The following TCERG1L variants were observed in gnomAD, a reference collection of about 807,000 sequenced individuals.
TCERG1L encodes transcription elongation regulator 1-like protein.
A neutral mutation model predicts 56.3 loss-of-function variants in TCERG1L; 37 were observed. The ratio of observed to expected loss-of-function variants is 0.66; its 90% CI spans 0.51 to 0.87. TCERG1L has a LOEUF of 0.87. Ranked by LOEUF, TCERG1L falls within the 40% of genes least tolerant of loss-of-function variation. TCERG1L has a pLI of 0.00. For synonymous variants in TCERG1L, 324 were observed against 326.3 expected (o/e 0.99, Z 0.08); for missense variants, 799 against 774.2 (o/e 1.03, Z -0.38).
At chr10:131,233,953 G>T (rs958206139) in intron 4 of TCERG1L, among the ~76,000 whole-genome samples, 8 of 152,178 alleles carry the variant, frequency 5.3e-5, no homozygotes, top group African/African-American at 1.9e-4. Flanking sequence ...AGAGTGGCTT[G>T]TTATAAAGTC....
chr10:131,215,152 G>A (rs1040411067), intron 4 of TCERG1L, among the ~76,000 whole-genome samples: 1 of 152,158 alleles, frequency 6.6e-6, no homozygotes, highest in African/African-American at 2.4e-5. Flanking sequence ...AAGCAGTGCT[G>A]GTCCTTACCT....
chr10:131,262,242 A>G (rs1306341306), intron 3 of TCERG1L, among the ~76,000 whole-genome samples: 7 of 152,072 alleles, frequency 4.6e-5, no homozygotes, highest in African/African-American at 1.7e-4. Context: ...ATGGGAACAG[A>G]CGCGCAGGGG....
rs186405872 is a variant in TCERG1L, at chr10:131,100,727, T to C, written c.1486-2303A>G. Among the ~76,000 whole-genome samples the C allele has an allele frequency of 6.6e-5, 10 of 152,370 alleles. No homozygotes were observed. In the East Asian group the frequency reaches 1.9e-3, roughly 29 times the overall value. ...GCTGTGATTTTCACACCAGGGGCCT[T>C]AGCTTTCCCCATGAAAACGCTGTGT... On this transcript the variant is annotated intron_variant, in intron 10 of 11. Coordinates refer to ENST00000368642, the MANE Select transcript of TCERG1L (RefSeq NM_174937.4).
intron 3 of TCERG1L, among the ~76,000 whole-genome samples, chr10:131,271,800 G>A (rs1846342385): frequency 6.6e-6 from 1 of 152,192 alleles, no homozygotes; most frequent in Non-Finnish European, 1.5e-5. Flanking sequence ...CCTGTGACCG[G>A]AGACTGAATC....
intron 8 of TCERG1L, among the ~76,000 whole-genome samples, chr10:131,126,592 T>C (rs1019400881): frequency 6.6e-6 from 1 of 152,204 alleles, no homozygotes; most frequent in Non-Finnish European, 1.5e-5. Flanking sequence ...TGCGACAGAC[T>C]CTGCTGGGGA....
At chr10:131,247,406 A>G (rs1340905482) in intron 4 of TCERG1L, among the ~76,000 whole-genome samples, 1 of 152,130 alleles carries the variant, frequency 6.6e-6, no homozygotes, top group Non-Finnish European at 1.5e-5. Context: ...AGCATCACCT[A>G]CCAGCCCCAG....
At chr10:131,187,786 G>A (rs1433929032) in intron 4 of TCERG1L, among the ~76,000 whole-genome samples, 2 of 152,192 alleles carry the variant, frequency 1.3e-5, no homozygotes, top group Admixed American at 6.5e-5. Context: ...GGCCAATGCA[G>A]CTGGCACCTA....
intron 4 of TCERG1L, among the ~76,000 whole-genome samples, chr10:131,173,623 G>A (rs192694763): frequency 6.4e-4 from 98 of 152,328 alleles, no homozygotes; most frequent in Non-Finnish European, 9.7e-4. Context: ...TGCCAGCCCC[G>A]GCGCAAGGCG....
At chr10:131,246,923 C>T (rs1227774195) in intron 4 of TCERG1L, among the ~76,000 whole-genome samples, 1 of 152,142 alleles carries the variant, frequency 6.6e-6, no homozygotes, top group Admixed American at 6.5e-5. Context: ...CCCACGACGC[C>T]GGCGCTGCGG....
At chr10:131,224,779 CAT>C (rs763248875) in intron 4 of TCERG1L, among the ~76,000 whole-genome samples, 23 of 135,908 alleles carry the variant, frequency 1.7e-4, no homozygotes, top group Non-Finnish European at 3.1e-4. Context: ...CCAGATAAAA[CAT>C]GTGGGAAAAC....
rs1317572177 is a variant in TCERG1L at position 131,175,114 on chromosome 10, AC to A, written c.857-8230del. On this transcript the variant is annotated intron_variant, in intron 4 of 11. Transcript: ENST00000368642. The stretch of plus-strand genomic sequence containing the variant: ...CAGAATGGCCTGCGGAGGTGGTGGG[AC>A]ATTTTCACCAGCGTGATCCAGGGCC... Among the ~76,000 whole-genome samples, 9 of 152,306 alleles carry A rather than the reference AC, an allele frequency of 5.9e-5. No individual in the cohort carries two copies. In the East Asian group the frequency reaches 1.7e-3, roughly 29 times the overall value.
At position 131,166,888 on chromosome 10, in the gene TCERG1L, G is replaced by T; in HGVS notation, c.857-3C>A. ...TCGGCCCCGCTCTGTCCTTGTATCT[G>T]TTGGGCCAAAGCAGTTGTCATTAAC... On this transcript the variant is annotated splice_polypyrimidine_tract_variant and splice_region_variant and intron_variant, in intron 4 of 11. Coordinates refer to ENST00000368642, the MANE Select transcript of TCERG1L (RefSeq NM_174937.4). The T allele has an allele frequency of 6.2e-7, 1 of 1,608,962 alleles. No individual in the cohort carries two copies. Among genetic ancestry groups the T allele is most frequent in the Non-Finnish European group, 8.5e-7 (1 of 1,179,008 alleles).
intron 7 of TCERG1L, among the ~76,000 whole-genome samples, chr10:131,135,413 GAA>G (rs757345670): frequency 5.3e-5 from 8 of 152,298 alleles, no homozygotes; most frequent in Non-Finnish European, 8.8e-5. Flanking sequence ...GAGTTGATGA[GAA>G]AAGACATCAG....
chr10:131,201,255 G>A (rs1479423295), intron 4 of TCERG1L, among the ~76,000 whole-genome samples: 4 of 152,122 alleles, frequency 2.6e-5, no homozygotes, highest in African/African-American at 9.7e-5. Flanking sequence ...ACTAAATGAA[G>A]CACCTCCCTT....
chr10:131,130,195 A>T (rs1845603445), intron 8 of TCERG1L, among the ~76,000 whole-genome samples: 1 of 151,808 alleles, frequency 6.6e-6, no homozygotes, highest in Non-Finnish European at 1.5e-5. Flanking sequence ...AGGCAAGGAG[A>T]GTGTGTGCGT....
At position 131,291,401 on chromosome 10, in the gene TCERG1L, CTTTTTTTTTTTTTTTTTTTTTTTTTTT is replaced by C. The variant is rs71009957; in HGVS notation, c.670+16783_670+16809del. ...TGTGTATATTCCATAAACAGCATTTCTTTTTTTTTTTTTTTTTTTTTTTTTTTTTTTTTTTTTTTTTTTGAGACGGAG... is the reference window on the plus strand; with the variant it reads ...TGTGTATATTCCATAAACAGCATTTCTTTTTTTTTTTTTTTTGAGACGGAG... On this transcript the variant is annotated intron_variant, in intron 3 of 11. Coordinates refer to ENST00000368642, the MANE Select transcript of TCERG1L (RefSeq NM_174937.4). Among the ~76,000 whole-genome samples the C allele has an allele frequency of 1.1e-3, 42 of 36,596 alleles. 1 individual carries two copies. Among genetic ancestry groups the C allele is most frequent in the African/African-American group, 2.9e-3 (29 of 10,022 alleles). The allele number at this position is 36,596 out of a possible 152,430, so 24.0% of individuals were successfully genotyped here.
At chr10:131,290,352 C>G (rs764532570) in intron 3 of TCERG1L, among the ~76,000 whole-genome samples, 3 of 152,172 alleles carry the variant, frequency 2.0e-5, no homozygotes, top group Non-Finnish European at 4.4e-5. Flanking sequence ...TAACATTAGG[C>G]CGGGCATGGT....
At chr10:131,104,588 T>C (rs779644703) in intron 9 of TCERG1L, among the ~76,000 whole-genome samples, 6 of 152,350 alleles carry the variant, frequency 3.9e-5, no homozygotes, top group Middle Eastern at 3.4e-3. Flanking sequence ...TTCTTGGGTA[T>C]CTTTCAGGGG....
At chr10:131,250,210 A>G (rs1846092442) in intron 4 of TCERG1L, among the ~76,000 whole-genome samples, 1 of 152,124 alleles carries the variant, frequency 6.6e-6, no homozygotes. Context: ...CCAGACACTG[A>G]GACTGGCTGG....
Sources: gnomAD v4.1 joint callset for allele counts (sites outside exome capture counted in the v4.1 genomes callset) on GRCh38, gnomAD v4.1.1 for gene constraint, MANE v1.5 for transcripts, NCBI Gene and HGNC (gene_info 2026-07-23, HGNC 2026-07-21) for gene names.